Variants in TRMT11 observed in about 807,000 individuals in gnomAD.
TRMT11 encodes tRNA methyltransferase 11.
A neutral mutation model predicts 62.8 loss-of-function variants in TRMT11; 53 were observed. The observed-to-expected ratio is 0.84, with a 90% CI of 0.68 to 1.06. TRMT11 has a LOEUF of 1.06. Among genes scored for constraint, TRMT11 ranks in the 50% least tolerant of loss-of-function variants. The probability of loss-of-function intolerance (pLI) is 0.00; values close to 1 mark genes in which losing one functional copy is unlikely to be tolerated. For synonymous variants in TRMT11, 188 were observed against 190.3 expected, an observed-to-expected ratio of 0.99 and a Z score of 0.10; for missense variants, 556 against 553.4, an observed-to-expected ratio of 1.00 and a Z score of -0.05.
intron 1 of TRMT11, among the ~76,000 whole-genome samples, chr6:126,197,406 A>C (rs1778679100): frequency 6.6e-6 from 1 of 152,210 alleles, no homozygotes; most frequent in Admixed American, 6.5e-5. Flanking sequence ...TTTTATCCAG[A>C]GGCTGATAAT....
At chr6:126,079,234 T>C (rs1391157941) in intron 17 of TRMT11, among the ~76,000 whole-genome samples, 1 of 152,194 alleles carries the variant, frequency 6.6e-6, no homozygotes, top group Non-Finnish European at 1.5e-5. Context: ...ACTGAAGTTA[T>C]AAGTTTATAT....
chr6:125,998,442 T>C, intron 5 of TRMT11, 108 bp from the exon 6 acceptor site: 1 of 1,339,654 alleles, frequency 7.5e-7, no homozygotes, highest in Non-Finnish European at 1.0e-6. Flanking sequence ...GTGCTTTTCA[T>C]GTTTTATTTA....
At chr6:126,061,829 C>T (rs940288978) in intron 17 of TRMT11, among the ~76,000 whole-genome samples, 7 of 152,176 alleles carry the variant, frequency 4.6e-5, no homozygotes, top group Admixed American at 2.0e-4. Context: ...GCTTCTGGAT[C>T]ACCATCCTGC....
the TRMT11 span, among the ~76,000 whole-genome samples, chr6:126,270,591 T>C: frequency 6.6e-6 from 1 of 152,214 alleles, no homozygotes; most frequent in African/African-American, 2.4e-5. Flanking sequence ...TTGATAATTA[T>C]ATTGTAGTTA....
At chr6:125,986,770 C>A in intron 1 of TRMT11, 148 bp downstream of exon 1, 1 of 711,988 alleles carries the variant, frequency 1.4e-6, no homozygotes, top group Non-Finnish European at 2.3e-6. Flanking sequence ...AGTCCTCGGG[C>A]GGGGTGAGCT....
chr6:126,046,558 G>A (rs1562304884), intron 16 of TRMT11, among the ~76,000 whole-genome samples: 1 of 152,186 alleles, frequency 6.6e-6, no homozygotes, highest in South Asian at 2.1e-4. Context: ...GATTAGGGAT[G>A]GGGCCCAGGA....
chr6:126,021,746 T>C (rs148400839), intron 12 of TRMT11, among the ~76,000 whole-genome samples: 15 of 152,322 alleles, frequency 9.8e-5, no homozygotes, highest in African/African-American at 3.4e-4. Context: ...CTCTCTTACA[T>C]ACAAAATTCT....
intron 1 of TRMT11, among the ~76,000 whole-genome samples, chr6:126,189,291 A>G (rs1394808637): frequency 4.6e-5 from 7 of 152,166 alleles, no homozygotes; most frequent in Admixed American, 4.6e-4. Flanking sequence ...TTCATTTAAA[A>G]GGTGTTCAAG....
At chr6:126,147,897 G>C (rs760964464) in intron 21 of TRMT11, among the ~76,000 whole-genome samples, 2 of 152,092 alleles carry the variant, frequency 1.3e-5, no homozygotes, top group African/African-American at 2.4e-5. Context: ...GGCCTGTCGT[G>C]GGGGTAGGGG....
At chr6:126,164,929 T>C (rs1778240143) in intron 21 of TRMT11, among the ~76,000 whole-genome samples, 1 of 152,110 alleles carries the variant, frequency 6.6e-6, no homozygotes, top group Non-Finnish European at 1.5e-5. Flanking sequence ...TGACTCTTTA[T>C]CCAATGTGCT....
chr6:126,083,439 T>G (rs574951838), intron 17 of TRMT11, among the ~76,000 whole-genome samples: 2 of 152,300 alleles, frequency 1.3e-5, no homozygotes, highest in East Asian at 3.9e-4. Flanking sequence ...CATACCTTCC[T>G]TTTCTGAATT....
At chr6:126,086,107 T>C (rs548085926) in intron 17 of TRMT11, among the ~76,000 whole-genome samples, 1 of 152,332 alleles carries the variant, frequency 6.6e-6, no homozygotes, top group South Asian at 2.1e-4. Flanking sequence ...ATGCATTTTC[T>C]AGTCTCTAAT....
At chr6:126,012,711 G>A (rs1477304295) in intron 9 of TRMT11, 60 bp from the exon 10 acceptor site, 1 of 1,299,184 alleles carries the variant, frequency 7.7e-7, no homozygotes, top group African/African-American at 1.5e-5. Flanking sequence ...ATGGCTGTTT[G>A]CCCTTGATCC....
chr6:126,248,036 A>C, the TRMT11 span, among the ~76,000 whole-genome samples: 3 of 152,118 alleles, frequency 2.0e-5, no homozygotes, highest in African/African-American at 7.2e-5. Flanking sequence ...TATAAGAGAT[A>C]CCGTATGCTT....
At chr6:126,262,149 C>A in the TRMT11 span, among the ~76,000 whole-genome samples, 1 of 152,158 alleles carries the variant, frequency 6.6e-6, no homozygotes, top group Non-Finnish European at 1.5e-5. Context: ...TTCCACCATA[C>A]CAGCTGTCAG....
chr6:126,029,346 G>A (rs1240224900), intron 12 of TRMT11, among the ~76,000 whole-genome samples: 1 of 152,078 alleles, frequency 6.6e-6, no homozygotes, highest in Non-Finnish European at 1.5e-5. Flanking sequence ...GAGTAATGCA[G>A]CACTCCAGAA....
At chr6:126,173,980 G>A (rs964271433), upstream of TRMT11, among the ~76,000 whole-genome samples, 2 of 152,170 alleles carry the variant, frequency 1.3e-5, no homozygotes, top group African/African-American at 4.8e-5. Context: ...AGTGTGAGAA[G>A]CACTGATCCA....
chr6:126,182,548 T>C (rs1778479439), intron 1 of TRMT11, among the ~76,000 whole-genome samples: 2 of 151,990 alleles, frequency 1.3e-5, no homozygotes. Context: ...GGGTCTGTGC[T>C]TGAGATCAGT....
intron 9 of TRMT11, among the ~76,000 whole-genome samples, chr6:126,011,987 G>A (rs1194231953): frequency 6.6e-6 from 1 of 152,270 alleles, no homozygotes; most frequent in Non-Finnish European, 1.5e-5. Context: ...TCATGAGGTC[G>A]TGAGTTTTTT....
Sources: allele counts gnomAD v4.1 joint callset (sites outside exome capture counted in the v4.1 genomes callset), GRCh38; gene constraint gnomAD v4.1.1; transcripts MANE v1.5; gene names NCBI Gene and HGNC (gene_info 2026-07-23, HGNC 2026-07-21).